The following MACROD2 variants were observed in gnomAD, a reference collection of about 807,000 sequenced individuals.
MACROD2 encodes ADP-ribose glycohydrolase MACROD2.
In MACROD2, 36 loss-of-function variants were observed where a neutral mutation model predicts 70.4. The ratio of observed to expected loss-of-function variants is 0.51; its 90% confidence interval spans 0.39 to 0.68. The LOEUF is 0.68. Among genes scored for constraint, MACROD2 ranks in the 30% least tolerant of loss-of-function variants. MACROD2 has a pLI of 0.00. For missense variants in MACROD2, 496 were observed against 538.4 expected (o/e 0.92, Z 0.78); for synonymous variants, 172 against 178.8 (o/e 0.96, Z 0.30).
At chr20:14,378,150 G>A (rs545603737) in intron 3 of MACROD2, among the ~76,000 whole-genome samples, 6 of 152,232 alleles carry the variant, frequency 3.9e-5, no homozygotes, top group East Asian at 3.9e-4. Flanking sequence ...TAGTTTTAGC[G>A]TGGGACCTGA....
At chr20:15,903,673 G>T (rs572145774) in intron 10 of MACROD2, among the ~76,000 whole-genome samples, 5 of 152,328 alleles carry the variant, frequency 3.3e-5, no homozygotes, top group African/African-American at 1.2e-4. Context: ...CTTGGGCATT[G>T]TTGGCCACTG....
chr20:14,574,438 A>G (rs1358304474), intron 4 of MACROD2, among the ~76,000 whole-genome samples: 2 of 152,152 alleles, frequency 1.3e-5, no homozygotes, highest in Non-Finnish European at 2.9e-5. Context: ...ATAATTGGCA[A>G]TAAATATAAG....
intron 6 of MACROD2, among the ~76,000 whole-genome samples, chr20:15,233,994 T>TAC (rs1490150670): frequency 1.4e-5 from 1 of 73,790 alleles, no homozygotes; most frequent in South Asian, 5.2e-4. Flanking sequence ...TATATATATA[T>TAC]ATATATATAT....
At chr20:15,381,317 A>C (rs1478783833) in intron 6 of MACROD2, among the ~76,000 whole-genome samples, 2 of 150,616 alleles carry the variant, frequency 1.3e-5, no homozygotes, top group Non-Finnish European at 3.0e-5. Context: ...AAATCAAGAA[A>C]GGGACACTTT....
intron 9 of MACROD2, among the ~76,000 whole-genome samples, chr20:15,872,217 C>T (rs1394465573): frequency 6.6e-6 from 1 of 152,160 alleles, no homozygotes; most frequent in Non-Finnish European, 1.5e-5. Flanking sequence ...CACATGTCCT[C>T]TTTCCTTCTT....
intron 5 of MACROD2, among the ~76,000 whole-genome samples, chr20:15,190,419 G>A (rs1349031759): frequency 6.6e-6 from 1 of 152,120 alleles, no homozygotes; most frequent in East Asian, 1.9e-4. Flanking sequence ...TCAACTGAAT[G>A]CTCTTCCTCT....
intron 5 of MACROD2, among the ~76,000 whole-genome samples, chr20:15,167,171 CA>C (rs960717601): frequency 3.3e-5 from 5 of 151,514 alleles, no homozygotes; most frequent in Non-Finnish European, 7.4e-5. Flanking sequence ...TATACATTAC[CA>C]AAAAAAGTGT....
chr20:14,360,652 C>T (rs1377183793), intron 3 of MACROD2, among the ~76,000 whole-genome samples: 1 of 152,182 alleles, frequency 6.6e-6, no homozygotes, highest in African/African-American at 2.4e-5. Context: ...AATGAATTAT[C>T]ATGGTTATCA....
intron 3 of MACROD2, among the ~76,000 whole-genome samples, chr20:14,300,425 A>T (rs1364813412): frequency 6.6e-6 from 1 of 152,176 alleles, no homozygotes; most frequent in South Asian, 2.1e-4. Context: ...GCTTTCGTTT[A>T]GTTCAGGGTC....
chr20:14,047,015 T>A (rs1038927546), intron 2 of MACROD2, among the ~76,000 whole-genome samples: 1 of 152,084 alleles, frequency 6.6e-6, no homozygotes, highest in Non-Finnish European at 1.5e-5. Flanking sequence ...CTATATTAAA[T>A]GAATACCCTT....
chr20:14,093,010 T>G (rs1569155738), intron 3 of MACROD2, among the ~76,000 whole-genome samples: 1 of 152,210 alleles, frequency 6.6e-6, no homozygotes, highest in Admixed American at 6.5e-5. Context: ...TTCCACATAT[T>G]TTTATATGGA....
intron 4 of MACROD2, among the ~76,000 whole-genome samples, chr20:14,677,990 CAA>C (rs1455170865): frequency 6.6e-6 from 1 of 152,144 alleles, no homozygotes; most frequent in Non-Finnish European, 1.5e-5. Flanking sequence ...TTTGTTAAGG[CAA>C]ACTGGTGTTG....
At chr20:14,938,996 G>A (rs189631206) in intron 5 of MACROD2, among the ~76,000 whole-genome samples, 7 of 121,304 alleles carry the variant, frequency 5.8e-5, no homozygotes, top group Non-Finnish European at 1.0e-4. Context: ...TACATACTCT[G>A]GTTATCAATC....
At chr20:14,343,965 A>G (rs1265810660) in intron 3 of MACROD2, among the ~76,000 whole-genome samples, 2 of 152,216 alleles carry the variant, frequency 1.3e-5, no homozygotes, top group East Asian at 3.8e-4. Flanking sequence ...TGCTAATTTT[A>G]GACACACAAA....
At chr20:14,547,568 C>A in intron 4 of MACROD2, 1 of 154,726 alleles carries the variant, frequency 6.5e-6, no homozygotes. Flanking sequence ...TGTCTCCTCG[C>A]CAGAGCTAGC....
chr20:14,837,743 T>C (rs1196853948), intron 5 of MACROD2, among the ~76,000 whole-genome samples: 1 of 152,082 alleles, frequency 6.6e-6, no homozygotes, highest in Non-Finnish European at 1.5e-5. Context: ...ATGTTTTACA[T>C]AGGAAACAAA....
chr20:14,350,860 A>G (rs1307620724), intron 3 of MACROD2, among the ~76,000 whole-genome samples: 2 of 152,086 alleles, frequency 1.3e-5, no homozygotes, highest in Non-Finnish European at 2.9e-5. Flanking sequence ...AGTTTCCCTT[A>G]TGAGTTTCCT....
chr20:14,944,621 G>A (rs968150452), intron 5 of MACROD2, among the ~76,000 whole-genome samples: 8 of 152,124 alleles, frequency 5.3e-5, no homozygotes, highest in Non-Finnish European at 1.5e-5. Context: ...GATTCCCAGT[G>A]AAGGGAATGC....
intron 6 of MACROD2, among the ~76,000 whole-genome samples, chr20:15,314,606 G>T (rs2077789236): frequency 6.6e-6 from 1 of 152,148 alleles, no homozygotes; most frequent in African/African-American, 2.4e-5. Flanking sequence ...AAATCTTGGG[G>T]CTTGCCTGAG....
Sources: gnomAD v4.1 joint callset for allele counts (sites outside exome capture counted in the v4.1 genomes callset) on GRCh38, gnomAD v4.1.1 for gene constraint, MANE v1.5 for transcripts, NCBI Gene and HGNC (gene_info 2026-07-23, HGNC 2026-07-21) for gene names.